SAMD3: variants seen among roughly 807,000 people sequenced by gnomAD.
SAMD3 encodes the protein sterile alpha motif domain-containing protein 3.
SAMD3 carries 63 observed loss-of-function variants against 58.5 expected under a neutral mutation model. That is an observed-to-expected ratio of 1.08 (90% confidence interval 0.88 to 1.33). SAMD3 has a LOEUF of 1.33. SAMD3 is among the 40% of genes most tolerant of loss of function. The pLI is 0.00. For synonymous variants in SAMD3, 220 were observed against 210.3 expected (o/e 1.05, Z -0.40); for missense variants, 604 against 608.4 (o/e 0.99, Z 0.08).
chr6:130,215,918 C>T, intron 2 of SAMD3: 2 of 1,279,312 alleles, frequency 1.6e-6, no homozygotes, highest in Non-Finnish European at 2.2e-6. Context: ...TCTGTCCTTC[C>T]TTCCAATACT....
intron 7 of SAMD3, among the ~76,000 whole-genome samples, chr6:130,180,429 C>T (rs574674588): frequency 1.2e-3 from 182 of 151,774 alleles, no homozygotes; most frequent in African/African-American, 4.2e-3. Context: ...ACCACCACTC[C>T]CAGCTGTTCT....
chr6:130,309,064 T>C (rs1776046620), intron 2 of SAMD3, among the ~76,000 whole-genome samples: 1 of 152,230 alleles, frequency 6.6e-6, no homozygotes, highest in Non-Finnish European at 1.5e-5. Context: ...TTCAGCAGTC[T>C]TATTACATAA....
intron 5 of SAMD3, among the ~76,000 whole-genome samples, chr6:130,206,469 CTG>C (rs1795091612): frequency 6.6e-6 from 1 of 152,194 alleles, no homozygotes; most frequent in South Asian, 2.1e-4. Context: ...TTTCCAGCAC[CTG>C]TGTCTTCATG....
rs757127300 is a variant in SAMD3 at position 130,261,081 on chromosome 6, C to T, written c.-187-38268G>A. On this transcript the variant is annotated intron_variant, in intron 2 of 13. Transcript: ENST00000368134. Reference sequence around the variant, plus strand: ...ATCACCCACAGCATGCCTTTATTGGCACTTTGGTTTTGGTTTTGGTTTTGA... The same window carrying T: ...ATCACCCACAGCATGCCTTTATTGGTACTTTGGTTTTGGTTTTGGTTTTGA... 4.0e-5 allele frequency among the ~76,000 whole-genome samples: 6 copies of T among 150,566 alleles called. 1 individual carries two copies.
intron 2 of SAMD3, among the ~76,000 whole-genome samples, chr6:130,256,957 T>G (rs1174441605): frequency 6.6e-6 from 1 of 152,182 alleles, no homozygotes; most frequent in African/African-American, 2.4e-5. Context: ...TGTAAGTAAC[T>G]CTCTAAAAAT....
At chr6:130,251,769 C>A (rs998187058) in intron 2 of SAMD3, among the ~76,000 whole-genome samples, 1 of 152,066 alleles carries the variant, frequency 6.6e-6, no homozygotes, top group African/African-American at 2.4e-5. Context: ...TCTGTAGCTT[C>A]GTAGCAAGTT....
rs558114078 is a variant in SAMD3 at position 130,204,611 on chromosome 6, A to G, written c.383+4884T>C. 1.2e-3 allele frequency among the ~76,000 whole-genome samples: 188 copies of G among 151,640 alleles called. 1 individual carries two copies. Among genetic ancestry groups the G allele is most frequent in the Middle Eastern group, 6.8e-3 (2 of 292 alleles). On this transcript the variant is annotated intron_variant, in intron 5 of 11. Transcript: ENST00000439090. The stretch of plus-strand genomic sequence containing the variant: ...GACCCTATCTCAAAAAAAGAAAAAA[A>G]AAAGCACGGTATCTGCTGTCCCTGG...
At chr6:130,269,825 T>C (rs1329691341) in intron 2 of SAMD3, among the ~76,000 whole-genome samples, 9 of 151,950 alleles carry the variant, frequency 5.9e-5, no homozygotes, top group Admixed American at 3.9e-4. Context: ...CTGAGGTCTT[T>C]CCTCAGTCTA....
rs189847320 is a variant in SAMD3, at chr6:130,186,977, G to A, written c.384-2354C>T. Among the ~76,000 whole-genome samples, 706 of 151,404 alleles carry A rather than the reference G, an allele frequency of 4.7e-3. 6 individuals are homozygous for A. The highest frequency in any genetic ancestry group is 0.016 in the African/African-American group (660 of 41,240). ...AGTATAGACAGTGTTTCACCATGTT[G>A]GCCAGGATGGTCTCAATCTCCTGAC... On this transcript the variant is annotated intron_variant, in intron 5 of 11. Transcript: ENST00000439090.
At chr6:130,221,009 A>T (rs567854919) in intron 1 of SAMD3, among the ~76,000 whole-genome samples, 6 of 152,012 alleles carry the variant, frequency 3.9e-5, no homozygotes, top group Non-Finnish European at 7.4e-5. Flanking sequence ...GCCCACCACC[A>T]CGCCCAGCTA....
intron 2 of SAMD3, among the ~76,000 whole-genome samples, chr6:130,284,815 A>G (rs1036368859): frequency 6.6e-6 from 1 of 152,226 alleles, no homozygotes; most frequent in African/African-American, 2.4e-5. Context: ...AGTCACAAGG[A>G]AGTAATAACA....
chr6:130,156,856 G>A (rs997400086), intron 8 of SAMD3, among the ~76,000 whole-genome samples: 8 of 151,982 alleles, frequency 5.3e-5, no homozygotes, highest in African/African-American at 1.9e-4. Context: ...ATCACCTTAG[G>A]TCAGGAGTTT....
intron 2 of SAMD3, among the ~76,000 whole-genome samples, chr6:130,247,123 A>C (rs925182069): frequency 3.3e-5 from 5 of 152,194 alleles, no homozygotes; most frequent in African/African-American, 1.2e-4. Flanking sequence ...TTAGAAATAA[A>C]AGGAGCTATT....
At chr6:130,230,185 A>G (rs938132951) in intron 2 of SAMD3, among the ~76,000 whole-genome samples, 1 of 152,164 alleles carries the variant, frequency 6.6e-6, no homozygotes, top group Non-Finnish European at 1.5e-5. Flanking sequence ...GCCTATCAGG[A>G]GAACGGTATT....
chr6:130,171,074 G>A (rs1791204838), intron 8 of SAMD3, among the ~76,000 whole-genome samples: 1 of 151,548 alleles, frequency 6.6e-6, no homozygotes. Flanking sequence ...TGTTGGCTAT[G>A]GGTTTGTCAT....
At chr6:130,177,828 C>A (rs1791875816) in intron 7 of SAMD3, among the ~76,000 whole-genome samples, 1 of 152,140 alleles carries the variant, frequency 6.6e-6, no homozygotes, top group South Asian at 2.1e-4. Context: ...GTGCTTCATG[C>A]ATGCTAGAAA....
intron 1 of SAMD3, among the ~76,000 whole-genome samples, chr6:130,338,915 G>A (rs1318447715): frequency 2.6e-5 from 4 of 152,184 alleles, no homozygotes; most frequent in Non-Finnish European, 5.9e-5. Flanking sequence ...TGTGGAATGA[G>A]TTAAGACTTT....
At chr6:130,206,743 C>T (rs1795117327) in intron 5 of SAMD3, among the ~76,000 whole-genome samples, 1 of 152,122 alleles carries the variant, frequency 6.6e-6, no homozygotes, top group South Asian at 2.1e-4. Context: ...TTCTAGTTTC[C>T]AAACCCTTCT....
At chr6:130,258,558 T>A (rs1315468988) in intron 2 of SAMD3, among the ~76,000 whole-genome samples, 1 of 152,198 alleles carries the variant, frequency 6.6e-6, no homozygotes, top group East Asian at 1.9e-4. Context: ...TTTTGACATA[T>A]GAATAGTCCT....
Sources: allele counts gnomAD v4.1 joint callset (sites outside exome capture counted in the v4.1 genomes callset), GRCh38; gene constraint gnomAD v4.1.1; transcripts MANE v1.5; gene names NCBI Gene and HGNC (gene_info 2026-07-23, HGNC 2026-07-21).